Variants in NBAS observed in about 807,000 individuals in gnomAD.
NBAS encodes the protein NBAS subunit of NRZ tethering complex, also known as NAG/BC035112 fusion.
NBAS carries 219 observed loss-of-function variants against 302.5 expected under a neutral mutation model. The observed-to-expected ratio is 0.72, with a 90% confidence interval of 0.65 to 0.81. The LOEUF is 0.81. Among genes scored for constraint, NBAS ranks in the 30% least tolerant of loss-of-function variants. The pLI is 0.00. For missense variants in NBAS, 2,932 were observed against 2,841.6 expected (o/e 1.03, Z -0.72); for synonymous variants, 1,118 against 1,021.6 (o/e 1.09, Z -1.80).
At position 15,453,081 on chromosome 2, in the gene NBAS, T is replaced by G. The variant is rs116456111; in HGVS notation, c.2339+8120A>C. 4.7e-3 allele frequency among the ~76,000 whole-genome samples: 721 copies of G among 152,192 alleles called. 8 individuals are homozygous for G. Among genetic ancestry groups the G allele is most frequent in the African/African-American group, 0.016 (670 of 41,530 alleles). Reference sequence around the variant, plus strand: ...TGGGTAAGTGACAATGACTCATCAGTAGGGAGAAAAGAATGCCAGACTTCT... The same window carrying G: ...TGGGTAAGTGACAATGACTCATCAGGAGGGAGAAAAGAATGCCAGACTTCT... On this transcript the variant is annotated intron_variant, in intron 21 of 51. Transcript: ENST00000281513.
At chr2:15,186,977 A>G (rs776548755) in intron 49 of NBAS, 97 bp from the exon 50 acceptor site, 2 of 1,535,170 alleles carry the variant, frequency 1.3e-6, no homozygotes, top group Non-Finnish European at 1.8e-6. Context: ...ACGGTAAATT[A>G]CAATCAGAAT....
chr2:15,506,822 A>G (rs1317933050), intron 10 of NBAS, among the ~76,000 whole-genome samples: 1 of 152,222 alleles, frequency 6.6e-6, no homozygotes, highest in Admixed American at 6.5e-5. Context: ...AAAGCAGAAT[A>G]AGCTGATTTT....
At chr2:14,939,481 C>T in the NBAS span, among the ~76,000 whole-genome samples, 21 of 152,230 alleles carry the variant, frequency 1.4e-4, no homozygotes, top group Non-Finnish European at 2.2e-4. Context: ...GACCTTCTGA[C>T]TCCAGGTTCC....
the NBAS span, among the ~76,000 whole-genome samples, chr2:15,146,923 C>T: frequency 2.6e-5 from 4 of 152,174 alleles, no homozygotes; most frequent in African/African-American, 9.7e-5. Context: ...AAAAAGCCTA[C>T]ATCCTGCTAA....
chr2:15,558,529 C>A (rs546960307), intron 2 of NBAS, 51 bp downstream of exon 2: 219 of 1,483,868 alleles, frequency 1.5e-4, no homozygotes, highest in Non-Finnish European at 3.2e-5. Flanking sequence ...CTAAAGAACA[C>A]ATTTTAACTG....
chr2:15,059,964 CAAAAAAAAAAACA>C, the NBAS span, among the ~76,000 whole-genome samples: 21 of 112,706 alleles, frequency 1.9e-4, no homozygotes, highest in East Asian at 6.4e-4. Flanking sequence ...AAAAAAAAAA[CAAAAAAAAAAACA>C]AAAAAAAAAA....
the NBAS span, among the ~76,000 whole-genome samples, chr2:14,905,766 G>C: frequency 6.6e-6 from 1 of 152,190 alleles, no homozygotes; most frequent in African/African-American, 2.4e-5. Context: ...TAAGGATAGA[G>C]GGTGGTTGCT....
chr2:15,309,954 A>T (rs1244005306), intron 38 of NBAS, among the ~76,000 whole-genome samples: 1 of 152,240 alleles, frequency 6.6e-6, no homozygotes. Context: ...CTCAGTAGCA[A>T]ATACTAAGTA....
At chr2:15,098,305 A>G in the NBAS span, among the ~76,000 whole-genome samples, 255 of 14,970 alleles carry the variant, frequency 0.017, 97 homozygotes, top group African/African-American at 0.17. Context: ...TACAATATAT[A>G]ATATATTGTA....
Position 15,228,746 on chromosome 2 carries a change from G to A in NBAS, c.6236+3676C>T, listed in dbSNP as rs138796690. Among the ~76,000 whole-genome samples, 432 of 152,240 alleles carry A rather than the reference G, an allele frequency of 2.8e-3. 1 individual carries two copies. Among genetic ancestry groups the A allele is most frequent in the Middle Eastern group, 0.017 (5 of 294 alleles). On this transcript the variant is annotated intron_variant, in intron 47 of 51. Transcript: ENST00000281513. ...CCAGGCACAGAGACAAATACCACAC[G>A]ATCTCACTCATATGTGGAATCTAAA...
At chr2:14,818,238 A>G in the NBAS span, among the ~76,000 whole-genome samples, 1 of 152,170 alleles carries the variant, frequency 6.6e-6, no homozygotes. Flanking sequence ...TCCTTCAAAA[A>G]GTTCCTCAAG....
the NBAS span, among the ~76,000 whole-genome samples, chr2:14,950,908 C>T: frequency 3.5e-3 from 530 of 152,124 alleles, 2 homozygotes; most frequent in African/African-American, 0.012. Context: ...AAGCTTTGTC[C>T]CTGTAGTTCT....
chr2:15,080,434 T>C, the NBAS span, among the ~76,000 whole-genome samples: 1 of 152,238 alleles, frequency 6.6e-6, no homozygotes, highest in African/African-American at 2.4e-5. Flanking sequence ...TGACCAACAC[T>C]TGAAGCTCTC....
At chr2:15,144,055 A>ATATATATATTATCC in the NBAS span, among the ~76,000 whole-genome samples, 6 of 140,376 alleles carry the variant, frequency 4.3e-5, no homozygotes, top group African/African-American at 1.6e-4. Context: ...AAAAATATAT[A>ATATATATATTATCC]TATATATATA....
the NBAS span, among the ~76,000 whole-genome samples, chr2:14,958,067 T>C: frequency 6.6e-6 from 1 of 151,592 alleles, no homozygotes; most frequent in South Asian, 2.1e-4. Flanking sequence ...TGAGTTTGCC[T>C]TGTCCTTTAA....
At chr2:15,014,865 A>AGAT in the NBAS span, among the ~76,000 whole-genome samples, 1 of 151,944 alleles carries the variant, frequency 6.6e-6, no homozygotes, top group Admixed American at 6.6e-5. Context: ...TTTATTGAAA[A>AGAT]GATAAACAAA....
At chr2:15,049,959 C>G in the NBAS span, among the ~76,000 whole-genome samples, 1 of 152,240 alleles carries the variant, frequency 6.6e-6, no homozygotes, top group East Asian at 1.9e-4. Context: ...GCTGGCTGCC[C>G]TCGGCCATGC....
the NBAS span, among the ~76,000 whole-genome samples, chr2:15,155,814 C>T: frequency 5.9e-5 from 9 of 152,290 alleles, no homozygotes; most frequent in Admixed American, 1.3e-4. Flanking sequence ...TTTCCTTGTT[C>T]CCTTTCCACT....
At chr2:14,801,526 A>T in the NBAS span, among the ~76,000 whole-genome samples, 1 of 151,928 alleles carries the variant, frequency 6.6e-6, no homozygotes, top group African/African-American at 2.4e-5. Flanking sequence ...TCCATTTTTC[A>T]ATTTCATATG....
Sources: gnomAD v4.1 joint callset for allele counts (sites outside exome capture counted in the v4.1 genomes callset) on GRCh38, gnomAD v4.1.1 for gene constraint, MANE v1.5 for transcripts, NCBI Gene and HGNC (gene_info 2026-07-23, HGNC 2026-07-21) for gene names.